Variants in ARID1B observed in about 807,000 individuals in gnomAD.
ARID1B encodes AT-rich interactive domain-containing protein 1B.
In ARID1B, 30 loss-of-function variants were observed where a neutral mutation model predicts 212.3. That is an observed-to-expected ratio of 0.14 (90% CI 0.11 to 0.19). The LOEUF (loss-of-function observed/expected upper bound fraction) is 0.19, where lower values mean the gene tolerates loss of function less well. Ranked by LOEUF, ARID1B falls within the 10% of genes least tolerant of loss-of-function variation. The probability of loss-of-function intolerance (pLI) is 1.00; values close to 1 mark genes in which losing one functional copy is unlikely to be tolerated. For synonymous variants in ARID1B, 1,402 were observed against 1,301.7 expected (o/e 1.08, Z -1.66); for missense variants, 2,891 against 3,204.0 (o/e 0.90, Z 2.36).
chr6:157,206,149 C>A lies in ARID1B; in HGVS notation c.5395-18C>A. 6.3e-7 allele frequency: 1 copy of A among 1,596,756 alleles called. No homozygotes were observed. Among genetic ancestry groups the A allele is most frequent in the South Asian group, 1.1e-5 (1 of 89,900 alleles). ...ATTGTACCTGTTCTTTCTTTCTTCT[C>A]CTCCTCCTCCTCTCCAGTTGTCTGG... On this transcript the variant is annotated intron_variant, in intron 19 of 19. Coordinates refer to ENST00000636930, the MANE Select transcript of ARID1B (RefSeq NM_001374828.1). This position sits in a 1 kb window ranked among gnomAD's most constrained non-coding sequence, Gnocchi z 6.8.
At chr6:156,956,345 A>G (rs920725070) in intron 4 of ARID1B, among the ~76,000 whole-genome samples, 1 of 152,164 alleles carries the variant, frequency 6.6e-6, no homozygotes, top group Non-Finnish European at 1.5e-5. Flanking sequence ...AGTTCTGGGC[A>G]TGGGAACCTG....
intron 4 of ARID1B, among the ~76,000 whole-genome samples, chr6:157,035,615 A>G (rs1781277200): frequency 6.6e-6 from 1 of 152,218 alleles, no homozygotes; most frequent in Admixed American, 6.5e-5. Flanking sequence ...GATTTTTTCT[A>G]CTATAATTGA....
chr6:156,950,578 T>C (rs1194517897), intron 4 of ARID1B, among the ~76,000 whole-genome samples: 1 of 148,464 alleles, frequency 6.7e-6, no homozygotes, highest in African/African-American at 2.6e-5. Context: ...TAAATGAATA[T>C]GTTGTTGTGG....
chr6:156,937,524 T>A (rs1792344249), intron 4 of ARID1B: 1 of 152,234 alleles, frequency 6.6e-6, no homozygotes, highest in Admixed American at 6.5e-5. Flanking sequence ...CTCAGAAACT[T>A]CAGCATCACT....
intron 8 of ARID1B, among the ~76,000 whole-genome samples, chr6:157,155,204 G>A (rs757479370): frequency 2.0e-5 from 3 of 152,180 alleles, no homozygotes; most frequent in South Asian, 2.1e-4. Context: ...GCACAAGGGC[G>A]GGTTTGAGTT....
chr6:157,208,219 T>C lies in ARID1B; in HGVS notation c.*328T>C, dbSNP rs1794605197. 1.9e-5 allele frequency: 5 copies of C among 261,226 alleles called. No individual in the cohort carries two copies. In the South Asian group the frequency reaches 8.6e-4, roughly 45 times the overall value. 16.2% of individuals were successfully genotyped at this position (261,226 alleles called of 1,614,324 possible). ...TTCTTTCCCATGTTGTATTGCATTTTTGGGGGAAGCAAATTGACTTTAAAG... is the reference window on the plus strand; with the variant it reads ...TTCTTTCCCATGTTGTATTGCATTTCTGGGGGAAGCAAATTGACTTTAAAG... On this transcript the variant is annotated 3_prime_UTR_variant, in exon 20 of 20. Coordinates refer to ENST00000636930, the MANE Select transcript of ARID1B (RefSeq NM_001374828.1).
At chr6:156,965,152 A>G (rs907789032) in intron 4 of ARID1B, among the ~76,000 whole-genome samples, 1 of 152,214 alleles carries the variant, frequency 6.6e-6, no homozygotes. Context: ...TGCATAGAGC[A>G]GCTGGGATCA....
In ARID1B at chr6:157,158,881, G is replaced by C. The variant is rs147783684; in HGVS notation, c.3090-8159G>C. Among the ~76,000 whole-genome samples the C allele has an allele frequency of 5.1e-3, 784 of 152,338 alleles. 5 individuals carry two copies. Among genetic ancestry groups the C allele is most frequent in the African/African-American group, 0.018 (734 of 41,580 alleles). ...AAAGATCCTTAAGTAGAATGCAATA[G>C]AGGTGACACTTTCTCTCTGTGGGTG... On this transcript the variant is annotated intron_variant, in intron 8 of 19. Transcript: ENST00000636930.
intron 1 of ARID1B, among the ~76,000 whole-genome samples, chr6:156,824,192 A>G (rs1782584551): frequency 6.6e-6 from 1 of 152,250 alleles, no homozygotes; most frequent in Non-Finnish European, 1.5e-5. Context: ...AAGTAAAAAA[A>G]TTGCATTAAA....
At chr6:156,932,826 C>G (rs959344453) in intron 3 of ARID1B, among the ~76,000 whole-genome samples, 2 of 152,166 alleles carry the variant, frequency 1.3e-5, no homozygotes, top group Admixed American at 6.5e-5. Flanking sequence ...TAAATTAATA[C>G]TTATGTTCAA....
intron 2 of ARID1B, among the ~76,000 whole-genome samples, chr6:156,894,990 G>A (rs561540699): frequency 6.6e-6 from 1 of 152,296 alleles, no homozygotes; most frequent in East Asian, 1.9e-4. Flanking sequence ...AACTGAACTA[G>A]CAAGGGCCTG....
At chr6:156,913,010 T>C (rs1181850289) in intron 3 of ARID1B, among the ~76,000 whole-genome samples, 1 of 148,760 alleles carries the variant, frequency 6.7e-6, no homozygotes, top group African/African-American at 2.5e-5. Flanking sequence ...AAATGGCTCT[T>C]TTCATACTTT....
chr6:157,100,780 G>A (rs755101086), intron 5 of ARID1B, among the ~76,000 whole-genome samples: 20 of 152,064 alleles, frequency 1.3e-4, no homozygotes, highest in African/African-American at 2.2e-4. Context: ...CCACAGATGC[G>A]GAGTCTACCA....
chr6:156,851,004 C>A lies in ARID1B; in HGVS notation c.1986+21583C>A, dbSNP rs541794968. 3.9e-5 allele frequency among the ~76,000 whole-genome samples: 6 copies of A among 152,308 alleles called. No individual in the cohort carries two copies. In the East Asian group the frequency reaches 9.6e-4, roughly 24 times the overall value. On this transcript the variant is annotated intron_variant, in intron 2 of 19. Coordinates refer to ENST00000636930, the MANE Select transcript of ARID1B (RefSeq NM_001374828.1). ...TAATCTTTGAACCTTGCGTATTTGT[C>A]CCGTATTTATTAACAGCATTGGGCA... is the stretch of plus-strand genomic sequence containing the variant.
At chr6:157,074,786 C>T (rs1436204128) in intron 4 of ARID1B, among the ~76,000 whole-genome samples, 6 of 152,060 alleles carry the variant, frequency 3.9e-5, no homozygotes, top group Non-Finnish European at 7.4e-5. Flanking sequence ...TTTTATCCTA[C>T]TCTAGGGTCT....
At chr6:157,072,127 C>T (rs185743675) in intron 4 of ARID1B, 219 of 152,276 alleles carry the variant, frequency 1.4e-3, no homozygotes, top group African/African-American at 5.0e-3. Flanking sequence ...AACATCTATT[C>T]TGAAAATACT....
At chr6:157,019,412 A>G (rs1780094339) in intron 4 of ARID1B, among the ~76,000 whole-genome samples, 1 of 152,226 alleles carries the variant, frequency 6.6e-6, no homozygotes, top group Admixed American at 6.5e-5. Flanking sequence ...CTGTCGTCAT[A>G]TACATGAAGA....
At chr6:156,863,014 A>G (rs1189492765) in intron 2 of ARID1B, among the ~76,000 whole-genome samples, 4 of 152,306 alleles carry the variant, frequency 2.6e-5, no homozygotes, top group South Asian at 4.1e-4. Flanking sequence ...TGCACGTGAG[A>G]TGATCCTGGA....
chr6:156,922,149 G>C (rs1349715001), intron 3 of ARID1B, among the ~76,000 whole-genome samples: 1 of 151,292 alleles, frequency 6.6e-6, no homozygotes, highest in Non-Finnish European at 1.5e-5. Context: ...GGATAATAAC[G>C]TAAGGGGTCC....
Sources: gnomAD v4.1 joint callset for allele counts (sites outside exome capture counted in the v4.1 genomes callset) on GRCh38, gnomAD v4.1.1 for gene constraint, Gnocchi (gnomAD v3.1) non-coding constraint, MANE v1.5 for transcripts, NCBI Gene and HGNC (gene_info 2026-07-23, HGNC 2026-07-21) for gene names.